The following ARHGAP24 variants were observed in gnomAD, a reference collection of about 807,000 sequenced individuals.
ARHGAP24 encodes rho GTPase-activating protein 24.
ARHGAP24 carries 50 observed loss-of-function variants against 76.4 expected under a neutral mutation model. The ratio of observed to expected loss-of-function variants is 0.65; its 90% CI spans 0.52 to 0.83. ARHGAP24 has a LOEUF of 0.83. Among genes scored for constraint, ARHGAP24 ranks in the 40% least tolerant of loss-of-function variants. The pLI, the probability that ARHGAP24 is intolerant of heterozygous loss-of-function variation, is 0.00. For missense variants in ARHGAP24, 930 were observed against 914.2 expected (o/e 1.02, Z -0.22); for synonymous variants, 345 against 323.3 (o/e 1.07, Z -0.72).
At chr4:85,964,938 A>G (rs1406553860) in intron 5 of ARHGAP24, among the ~76,000 whole-genome samples, 2 of 152,070 alleles carry the variant, frequency 1.3e-5, no homozygotes, top group Non-Finnish European at 2.9e-5. Context: ...TAAACTGTCA[A>G]ATATTCTTTG....
intron 3 of ARHGAP24, among the ~76,000 whole-genome samples, chr4:85,755,913 G>A (rs1177339454): frequency 2.6e-5 from 4 of 152,146 alleles, no homozygotes; most frequent in South Asian, 2.1e-4. Flanking sequence ...GAGTACAGGC[G>A]TGAGCCACCG....
intron 1 of ARHGAP24, among the ~76,000 whole-genome samples, chr4:85,479,238 T>C (rs758160315): frequency 6.6e-6 from 1 of 152,214 alleles, no homozygotes. Flanking sequence ...CTATAATAGA[T>C]GAAATATTGT....
chr4:85,918,448 A>G (rs559834361), intron 3 of ARHGAP24, among the ~76,000 whole-genome samples: 1 of 152,082 alleles, frequency 6.6e-6, no homozygotes, highest in South Asian at 2.1e-4. Flanking sequence ...AAATGTATTT[A>G]TTAAAAGTAT....
chr4:85,809,147 C>T (rs1728908778), intron 3 of ARHGAP24, among the ~76,000 whole-genome samples: 1 of 152,152 alleles, frequency 6.6e-6, no homozygotes, highest in Non-Finnish European at 1.5e-5. Flanking sequence ...TTAATACAAA[C>T]ACAAACAAGA....
intron 7 of ARHGAP24, among the ~76,000 whole-genome samples, chr4:85,976,875 C>T (rs1461002086): frequency 5.3e-5 from 8 of 151,364 alleles, no homozygotes; most frequent in African/African-American, 2.4e-5. Flanking sequence ...CTCCGCCTCC[C>T]GAGTTCAAGC....
chr4:85,788,723 T>G (rs1727971909), intron 3 of ARHGAP24, among the ~76,000 whole-genome samples: 1 of 152,150 alleles, frequency 6.6e-6, no homozygotes, highest in African/African-American at 2.4e-5. Flanking sequence ...ATGCAGAAAT[T>G]TTCATAAATC....
At chr4:85,751,739 AATCCCTCAAGT>A (rs1726273991) in intron 3 of ARHGAP24, among the ~76,000 whole-genome samples, 1 of 152,184 alleles carries the variant, frequency 6.6e-6, no homozygotes, top group Non-Finnish European at 1.5e-5. Context: ...CTGCCTTCCC[AATCCCTCAAGT>A]TTGGATGAAA....
At chr4:85,761,781 G>A (rs1726742525) in intron 3 of ARHGAP24, among the ~76,000 whole-genome samples, 1 of 152,184 alleles carries the variant, frequency 6.6e-6, no homozygotes. Flanking sequence ...TGCAGCAGCT[G>A]AGGTGATGTC....
intron 5 of ARHGAP24, among the ~76,000 whole-genome samples, chr4:85,971,714 C>T (rs12650268): frequency 6.6e-6 from 1 of 152,036 alleles, no homozygotes; most frequent in Non-Finnish European, 1.5e-5. Context: ...AGATCTTATA[C>T]ATTCTACCTT....
intron 5 of ARHGAP24, among the ~76,000 whole-genome samples, chr4:85,969,153 A>G (rs1738810237): frequency 6.6e-6 from 1 of 152,110 alleles, no homozygotes; most frequent in Admixed American, 6.6e-5. Flanking sequence ...ACACCATCCC[A>G]TTGTCTAACT....
intron 4 of ARHGAP24, chr4:85,930,656 G>A (rs1018226696): frequency 1.8e-6 from 2 of 1,112,394 alleles, no homozygotes; most frequent in Admixed American, 4.9e-5. Flanking sequence ...TGACATTTTG[G>A]AATGTCTGCA....
intron 4 of ARHGAP24, among the ~76,000 whole-genome samples, chr4:85,933,366 G>A (rs559050323): frequency 6.6e-6 from 1 of 152,262 alleles, no homozygotes; most frequent in African/African-American, 2.4e-5. Context: ...TCAGGATAAA[G>A]TGTGGAGTTG....
intron 3 of ARHGAP24, among the ~76,000 whole-genome samples, chr4:85,805,045 T>G (rs1442155196): frequency 6.6e-6 from 1 of 152,172 alleles, no homozygotes; most frequent in Non-Finnish European, 1.5e-5. Context: ...AACAAAGGTA[T>G]GAGATAAAAG....
chr4:85,946,676 G>T (rs1737286371), intron 5 of ARHGAP24, among the ~76,000 whole-genome samples: 1 of 152,136 alleles, frequency 6.6e-6, no homozygotes, highest in Non-Finnish European at 1.5e-5. Context: ...CTTTTTGATG[G>T]TGGCATAGTA....
intron 3 of ARHGAP24, among the ~76,000 whole-genome samples, chr4:85,913,484 C>A (rs893453761): frequency 6.6e-6 from 1 of 151,920 alleles, no homozygotes; most frequent in African/African-American, 2.4e-5. Flanking sequence ...CTTTGCCTTA[C>A]TAAATTTTCT....
intron 1 of ARHGAP24, among the ~76,000 whole-genome samples, chr4:85,501,252 G>A (rs1331129777): frequency 6.6e-6 from 1 of 152,154 alleles, no homozygotes; most frequent in Non-Finnish European, 1.5e-5. Context: ...TAATGGGATG[G>A]CTGGGTCAAA....
chr4:85,566,893 A>G (rs930793331), intron 1 of ARHGAP24, among the ~76,000 whole-genome samples: 7 of 152,204 alleles, frequency 4.6e-5, no homozygotes, highest in Non-Finnish European at 1.0e-4. Context: ...AAACTTAGAT[A>G]AAAAGGAGTT....
In ARHGAP24 at chr4:85,620,951, T is replaced by A. The variant is rs1371608583; in HGVS notation, c.180+50230T>A. Among the ~76,000 whole-genome samples the A allele has an allele frequency of 2.6e-5, 4 of 151,968 alleles. No homozygotes were observed. In the East Asian group the frequency reaches 5.8e-4, roughly 22 times the overall value. On this transcript the variant is annotated intron_variant, in intron 2 of 9. Coordinates refer to ENST00000395184, the MANE Select transcript of ARHGAP24 (RefSeq NM_001025616.3). ...GAATTCTTTGTTTCTCCTTTTGGAG[T>A]CCCTAGTATCTATTGTTTTCATCTT...
chr4:85,727,647 A>G (rs1054051218), intron 3 of ARHGAP24, among the ~76,000 whole-genome samples: 2 of 152,172 alleles, frequency 1.3e-5, no homozygotes, highest in African/African-American at 4.8e-5. Context: ...AATTGTTCTC[A>G]GCTTCTTCAC....
Sources: gnomAD v4.1 joint callset for allele counts (sites outside exome capture counted in the v4.1 genomes callset) on GRCh38, gnomAD v4.1.1 for gene constraint, MANE v1.5 for transcripts, NCBI Gene and HGNC (gene_info 2026-07-23, HGNC 2026-07-21) for gene names.